SAMMSON: variants seen among roughly 807,000 people sequenced by gnomAD.
SAMMSON encodes long intergenic non-protein coding RNA 1212.
chr3:70,281,644 G>A (rs551457537), intron 6 of SAMMSON, among the ~76,000 whole-genome samples: 1 of 151,964 alleles, frequency 6.6e-6, no homozygotes, highest in Admixed American at 6.6e-5. Flanking sequence ...TATGTCTCTC[G>A]GTATTTATGC....
chr3:70,394,458 G>A (rs183280109), downstream of SAMMSON, among the ~76,000 whole-genome samples: 13 of 152,204 alleles, frequency 8.5e-5, no homozygotes, highest in Middle Eastern at 3.4e-3. Context: ...TGGGCCAAGC[G>A]GACAAAGTTA....
At chr3:70,237,964 CTAAT>C (rs1169039473) in intron 4 of SAMMSON, among the ~76,000 whole-genome samples, 2 of 99,672 alleles carry the variant, frequency 2.0e-5, no homozygotes, top group East Asian at 6.5e-4. Flanking sequence ...GGAAAAGAAA[CTAAT>C]TGAGTGGTAT....
At chr3:70,302,769 AT>A (rs1702363683) in intron 7 of SAMMSON, 1 of 152,148 alleles carries the variant, frequency 6.6e-6, no homozygotes, top group South Asian at 2.1e-4. Context: ...TTAACAACTT[AT>A]CGGGACTTTG....
At chr3:70,020,033 A>C (rs2067005321) in intron 3 of SAMMSON, among the ~76,000 whole-genome samples, 1 of 152,158 alleles carries the variant, frequency 6.6e-6, no homozygotes, top group Non-Finnish European at 1.5e-5. Flanking sequence ...TTTCACAGGC[A>C]GAAACAATGC....
In SAMMSON at chr3:70,042,619, C is replaced by T. The variant is rs567324366; in HGVS notation, n.418-28857C>T. Among the ~76,000 whole-genome samples, 8 of 152,180 alleles carry T rather than the reference C, an allele frequency of 5.3e-5. 1 individual carries two copies. In the South Asian group the frequency reaches 1.7e-3, roughly 32 times the overall value. On this transcript the variant is annotated intron_variant and non_coding_transcript_variant, in intron 3 of 9. Transcript: ENST00000642114. Reference sequence around the variant, plus strand: ...ACTAGCCCCATCAACCATCTCTCACCAGAAAGAATAGGTGAAGAGGTTGAG... The same window carrying T: ...ACTAGCCCCATCAACCATCTCTCACTAGAAAGAATAGGTGAAGAGGTTGAG...
At chr3:70,052,466 G>A (rs867066339) in intron 3 of SAMMSON, among the ~76,000 whole-genome samples, 6 of 152,090 alleles carry the variant, frequency 3.9e-5, no homozygotes, top group Admixed American at 1.3e-4. Context: ...AGATATATGT[G>A]AAGAAGCACT....
chr3:70,213,328 T>G (rs533384290), intron 4 of SAMMSON, among the ~76,000 whole-genome samples: 1 of 152,262 alleles, frequency 6.6e-6, no homozygotes, highest in Non-Finnish European at 1.5e-5. Context: ...TTGTGAGCAG[T>G]AAACTCCAGA....
intron 6 of SAMMSON, among the ~76,000 whole-genome samples, chr3:70,284,063 C>A (rs1443062763): frequency 2.0e-5 from 3 of 152,032 alleles, no homozygotes; most frequent in African/African-American, 7.2e-5. Context: ...CTGGAATGAA[C>A]TTGGTTTTAA....
At chr3:70,400,406 T>G (rs1701130880) in intron 2 of SAMMSON, among the ~76,000 whole-genome samples, 1 of 152,098 alleles carries the variant, frequency 6.6e-6, no homozygotes, top group African/African-American at 2.4e-5. Flanking sequence ...TCTGGTTTCG[T>G]TGGGTCCTCT....
At chr3:70,419,294 A>C (rs958161272) in intron 2 of SAMMSON, among the ~76,000 whole-genome samples, 2 of 151,924 alleles carry the variant, frequency 1.3e-5, no homozygotes, top group Non-Finnish European at 2.9e-5. Flanking sequence ...CAGCCTGCCA[A>C]AGTGCTGAGA....
chr3:70,100,449 A>G (rs1354061426), intron 4 of SAMMSON, among the ~76,000 whole-genome samples: 1 of 150,336 alleles, frequency 6.7e-6, no homozygotes, highest in Admixed American at 6.6e-5. Flanking sequence ...TACCCGGCCC[A>G]TCATAGTCTT....
chr3:70,024,605 C>T (rs920805873), intron 3 of SAMMSON, among the ~76,000 whole-genome samples: 6 of 152,148 alleles, frequency 3.9e-5, no homozygotes, highest in Non-Finnish European at 8.8e-5. Flanking sequence ...TTTGCTTCCC[C>T]GTAATCCGTG....
chr3:70,434,512 T>C (rs1048200365), intron 2 of SAMMSON, among the ~76,000 whole-genome samples: 2 of 152,176 alleles, frequency 1.3e-5, no homozygotes, highest in African/African-American at 4.8e-5. Flanking sequence ...TTCCAGGAAG[T>C]TTTTTGTTGA....
intron 3 of SAMMSON, among the ~76,000 whole-genome samples, chr3:70,018,437 C>G (rs2066996694): frequency 6.6e-6 from 1 of 152,034 alleles, no homozygotes; most frequent in Admixed American, 6.6e-5. Context: ...TCCCCTGTAT[C>G]ATTTTTTATT....
intron 4 of SAMMSON, among the ~76,000 whole-genome samples, chr3:70,164,280 T>G (rs1302750831): frequency 1.3e-5 from 2 of 152,032 alleles, no homozygotes; most frequent in Non-Finnish European, 2.9e-5. Context: ...AGTTTCCTCA[T>G]CTACTCATGG....
chr3:70,366,724 T>A (rs915682646), intron 9 of SAMMSON, among the ~76,000 whole-genome samples: 1 of 151,708 alleles, frequency 6.6e-6, no homozygotes, highest in Admixed American at 6.6e-5. Flanking sequence ...ATGGTAAGAC[T>A]GTTTTTAGCT....
At chr3:70,228,413 C>T (rs1477555538) in intron 4 of SAMMSON, among the ~76,000 whole-genome samples, 6 of 151,622 alleles carry the variant, frequency 4.0e-5, no homozygotes, top group East Asian at 1.9e-4. Flanking sequence ...TTATGACTGA[C>T]GTTAGGCTGC....
chr3:70,267,218 A>G (rs1701923953), intron 6 of SAMMSON, among the ~76,000 whole-genome samples: 1 of 152,076 alleles, frequency 6.6e-6, no homozygotes, highest in South Asian at 2.1e-4. Context: ...ACAGTAAAAG[A>G]AGTCTCATTT....
chr3:70,324,495 C>T (rs1253305645), intron 7 of SAMMSON, among the ~76,000 whole-genome samples: 2 of 152,082 alleles, frequency 1.3e-5, no homozygotes, highest in Admixed American at 1.3e-4. Context: ...CCCTGCACTG[C>T]GATCCTAATA....
Sources: gnomAD v4.1 joint callset for allele counts (sites outside exome capture counted in the v4.1 genomes callset) on GRCh38, gnomAD v4.1.1 for gene constraint, MANE v1.5 for transcripts, NCBI Gene and HGNC (gene_info 2026-07-23, HGNC 2026-07-21) for gene names.